The following PTPN23 variants were observed in gnomAD, a reference collection of about 807,000 sequenced individuals.
PTPN23 encodes the protein protein tyrosine phosphatase non-receptor type 23.
In PTPN23, 72 loss-of-function variants were observed where a neutral mutation model predicts 156.3. That is an observed-to-expected ratio of 0.46 (90% confidence interval 0.38 to 0.56). PTPN23 has a LOEUF of 0.56. Among genes scored for constraint, PTPN23 ranks in the 20% least tolerant of loss-of-function variants. The pLI is 0.00. For synonymous variants in PTPN23, 957 were observed against 899.6 expected (o/e 1.06, Z -1.14); for missense variants, 1,974 against 2,171.5 (o/e 0.91, Z 1.81).
In PTPN23 at chr3:47,410,296, T is replaced by G. The variant is rs1230381346; in HGVS notation, c.2498T>G (p.Leu833Arg). 6.2e-7 allele frequency: 1 copy of G among 1,605,188 alleles called. No individual in the cohort carries two copies. Among genetic ancestry groups the G allele is most frequent in the East Asian group, 2.2e-5 (1 of 44,766 alleles). ...CCTGCCTACACACCGGAGCTGGGCC[T>G]TGTGCCCCGATCCTCCCCACAGCAT... The part of the protein sequence containing the change: ...PAPAYTPELG[L>R]VPRSSPQHGV... The change falls in exon 20 of 25, where the codon CTT becomes CGT. Residue 833 changes from leucine to arginine, a missense_variant. Physicochemically the swap from Leu to Arg is moderately radical, Grantham distance 102 (BLOSUM62 -2). This residue lies in a region of PTPN23 where 731 missense variants were observed against 669.1 expected (regional missense o/e 1.09). Coordinates refer to ENST00000265562, the MANE Select transcript of PTPN23 (RefSeq NM_015466.4).
At chr3:47,385,483 C>T (rs1219831070) in intron 1 of PTPN23, among the ~76,000 whole-genome samples, 2 of 152,062 alleles carry the variant, frequency 1.3e-5, no homozygotes, top group Admixed American at 1.3e-4. Flanking sequence ...TTGAGACCAG[C>T]CTGGCCAATA....
intron 1 of PTPN23, among the ~76,000 whole-genome samples, chr3:47,384,240 G>A (rs4858848): frequency 0.38 from 57,415 of 151,494 alleles, 11,252 homozygotes; most frequent in East Asian, 0.52. Flanking sequence ...AGGCCGAGGC[G>A]GGCAGATCAC....
rs1168035150 is a variant in PTPN23, at chr3:47,407,124, C to T, written c.808-6C>T. 1 of 1,613,970 alleles carries T rather than the reference C, an allele frequency of 6.2e-7. No homozygotes were observed. Among genetic ancestry groups the T allele is most frequent in the Non-Finnish European group, 8.5e-7 (1 of 1,179,956 alleles). On this transcript the variant is annotated splice_polypyrimidine_tract_variant and splice_region_variant and intron_variant, in intron 9 of 24. Coordinates refer to ENST00000265562, the MANE Select transcript of PTPN23 (RefSeq NM_015466.4). This position sits in a 1 kb window ranked among gnomAD's most constrained non-coding sequence, Gnocchi z 4.0. Reference sequence around the variant, plus strand: ...ACAGAGCAGGCTTTCCTGCCACCCTCCACAGGTTGCATACTTCCAGAGCGC... The same window carrying T: ...ACAGAGCAGGCTTTCCTGCCACCCTTCACAGGTTGCATACTTCCAGAGCGC...
chr3:47,396,127 TC>T lies in PTPN23; in HGVS notation c.85-15del. 6.2e-7 allele frequency: 1 copy of T among 1,607,868 alleles called. No homozygotes were observed. Among genetic ancestry groups the T allele is most frequent in the Non-Finnish European group, 8.5e-7 (1 of 1,176,088 alleles). ...GGTCTTCTCTGCCACTGGCTTATGT[TC>T]TTCTCTCTCTGTAGTTTGTCCTGAA... On this transcript the variant is annotated splice_polypyrimidine_tract_variant and intron_variant, in intron 1 of 24. Coordinates refer to ENST00000265562, the MANE Select transcript of PTPN23 (RefSeq NM_015466.4).
In PTPN23 at chr3:47,404,994, C is replaced by T. The variant is rs142843956; in HGVS notation, c.288-11C>T. 6.2e-7 allele frequency: 1 copy of T among 1,614,138 alleles called. No homozygotes were observed. The highest frequency in any genetic ancestry group is 2.2e-5 in the East Asian group (1 of 44,874). ...CCTGCCCTCGAGATAACTGGGGTGC[C>T]ATGTCTGCAGGACAGAGATCTTCTC... On this transcript the variant is annotated splice_polypyrimidine_tract_variant and intron_variant, in intron 3 of 24. Transcript: ENST00000265562.
In PTPN23 at chr3:47,412,104, G is replaced by A. The variant is rs774365898; in HGVS notation, c.4084G>A (p.Asp1362Asn). 4 of 1,612,898 alleles carry A rather than the reference G, an allele frequency of 2.5e-6. No homozygotes were observed. The highest frequency in any genetic ancestry group is 2.7e-5 in the African/African-American group (2 of 74,932). ...CATCCTGTCCCACAGAGGCCTGCCCGACAGCCCCAGCAACTTGCTGCGCTT... is the reference window on the plus strand; with the variant it reads ...CATCCTGTCCCACAGAGGCCTGCCCAACAGCCCCAGCAACTTGCTGCGCTT... ...FPTWPELGLP[D>N]SPSNLLRFIQ... is the part of the protein sequence containing the mutation. Residue 1362 changes from aspartate (D) to asparagine (N), a missense_variant, in exon 22 of 25, where the codon GAC (aspartate) becomes AAC (asparagine). Physicochemically the swap from Asp to Asn is conservative, Grantham distance 23. This residue lies in a region of PTPN23 where 484 missense variants were observed against 516.0 expected (regional missense o/e 0.94). Transcript: ENST00000265562.
At chr3:47,408,663 C>T in intron 15 of PTPN23, 113 bp from the exon 16 acceptor site, 2 of 1,433,818 alleles carry the variant, frequency 1.4e-6, no homozygotes, top group East Asian at 2.3e-5. Context: ...TCAGTGTGCG[C>T]TGGGCCTCAC....
At chr3:47,387,105 G>A (rs562870577) in intron 1 of PTPN23, among the ~76,000 whole-genome samples, 1 of 152,288 alleles carries the variant, frequency 6.6e-6, no homozygotes, top group South Asian at 2.1e-4. Flanking sequence ...GATTAGACAA[G>A]GGGAGGATGA....
Position 47,411,333 on chromosome 3 carries a change from G to C in PTPN23, c.3535G>C (p.Glu1179Gln). ...GCTGCGGCAGTTGCAGCAGGAGCTG[G>C]AGGCCTTTCGGGGTCAGCTGGGGGA... is the stretch of plus-strand genomic sequence containing the variant. ...ERLRQLQQEL[E>Q]AFRGQLGDVG... The change falls in exon 20 of 25, where the codon GAG (glutamate) becomes CAG (glutamine). Residue 1179 changes from glutamate (E) to glutamine (Q), a missense_variant. This residue lies in a region of PTPN23 where 731 missense variants were observed against 669.1 expected (regional missense o/e 1.09). Transcript: ENST00000265562. The surrounding 1 kb of genome is among the most constrained non-coding windows in gnomAD (Gnocchi z 6.3). 1 of 1,612,898 alleles carries C rather than the reference G, an allele frequency of 6.2e-7. No individual in the cohort carries two copies. The highest frequency in any genetic ancestry group is 8.5e-7 in the Non-Finnish European group (1 of 1,180,002).
Position 47,384,950 on chromosome 3 carries a change from C to T in PTPN23, c.84+3770C>T, listed in dbSNP as rs536993965. Among the ~76,000 whole-genome samples, 61 of 152,148 alleles carry T rather than the reference C, an allele frequency of 4.0e-4. 1 individual carries two copies. In the South Asian group the frequency reaches 5.6e-3, roughly 14 times the overall value. On this transcript the variant is annotated intron_variant, in intron 1 of 24. Coordinates refer to ENST00000265562, the MANE Select transcript of PTPN23 (RefSeq NM_015466.4). ...GCTAATTTTGTATTTTTAGTAGAGA[C>T]GGGGTTTCTCCATGTTAGTCAGGCT...
chr3:47,405,816 A>T lies in PTPN23; in HGVS notation c.414+18A>T. ...CTGAGGAGGTGAGGAGAGGGGCAGTAGTGGAACATGTGGACATACCAGGGA... is the reference window on the plus strand; with the variant it reads ...CTGAGGAGGTGAGGAGAGGGGCAGTTGTGGAACATGTGGACATACCAGGGA... On this transcript the variant is annotated intron_variant, in intron 5 of 24. Transcript: ENST00000265562. The surrounding 1 kb of genome is among the most constrained non-coding windows in gnomAD (Gnocchi z 4.7). 2.5e-6 allele frequency: 4 copies of T among 1,589,952 alleles called. No homozygotes were observed. Among genetic ancestry groups the T allele is most frequent in the Non-Finnish European group, 3.4e-6 (4 of 1,167,406 alleles).
At position 47,411,798 on chromosome 3, in the gene PTPN23, T is replaced by C; in HGVS notation, c.3904T>C (p.Tyr1302His). Reference protein sequence around the residue: ...AEMEKQKVARYFPTERGQPMV... With the variant: ...AEMEKQKVARHFPTERGQPMV... The stretch of plus-strand genomic sequence containing the variant: ...TGTCCCTCAGCAAAAAGTGGCACGC[T>C]ACTTCCCCACCGAGAGGGGCCAGCC... Residue 1302 changes from tyrosine to histidine, a missense_variant, in exon 21 of 25, where the codon TAC becomes CAC. By Grantham distance (83) the Tyr-to-His change is moderately conservative. Around this residue, in one of 4 missense-constraint regions of PTPN23, gnomAD observed 484 missense variants for 516.0 expected, o/e 0.94. Transcript: ENST00000265562. The surrounding 1 kb of genome is among the most constrained non-coding windows in gnomAD (Gnocchi z 6.3). 1 of 1,601,056 alleles carries C rather than the reference T, an allele frequency of 6.2e-7. No individual in the cohort carries two copies. Among genetic ancestry groups the C allele is most frequent in the Non-Finnish European group, 8.5e-7 (1 of 1,173,174 alleles).
In PTPN23 at chr3:47,410,504, C is replaced by T. The variant is rs1246020400; in HGVS notation, c.2706C>T (p.Thr902=). The T allele has an allele frequency of 6.2e-7, 1 of 1,606,700 alleles. No homozygotes were observed. Among genetic ancestry groups the T allele is most frequent in the Non-Finnish European group, 8.5e-7 (1 of 1,176,632 alleles). Residue 902 remains threonine (T), a synonymous_variant, in exon 20 of 25, where the codon ACC becomes ACT. Coordinates refer to ENST00000265562, the MANE Select transcript of PTPN23 (RefSeq NM_015466.4). ...ACACAGCCCCACGGCCAAACCCCAC[C>T]CCTGCTCCTCCCCCGCCCTGCTTCC... ...PSHTAPRPNP[T]PAPPPPCFPV... is the part of the protein sequence containing the mutation.
intron 1 of PTPN23, among the ~76,000 whole-genome samples, chr3:47,389,383 G>A (rs1023746384): frequency 1.3e-5 from 2 of 152,182 alleles, no homozygotes; most frequent in Non-Finnish European, 2.9e-5. Context: ...TGCCGAGGTG[G>A]GAGGATAGCT....
rs781175474 is a variant in PTPN23, at chr3:47,393,906, A to AT, written c.85-2220dup. 2.0e-3 allele frequency among the ~76,000 whole-genome samples: 284 copies of AT among 139,046 alleles called. 2 individuals carry two copies. The highest frequency in any genetic ancestry group is 1.0e-2 in the South Asian group (43 of 4,308). 91.2% of individuals were successfully genotyped at this position (139,046 alleles called of 152,430 possible). A position where few individuals can be genotyped will look rare whatever the true frequency, so the allele number is the denominator to read the frequency against. ...AGGCGTGGGCTACCATACCCAGCTA[A>AT]TTTTTTTTTTTTTTTTTAATTTGTA... is the stretch of plus-strand genomic sequence containing the variant. On this transcript the variant is annotated intron_variant, in intron 1 of 24. Coordinates refer to ENST00000265562, the MANE Select transcript of PTPN23 (RefSeq NM_015466.4).
intron 1 of PTPN23, among the ~76,000 whole-genome samples, chr3:47,394,042 C>T (rs1229084035): frequency 2.0e-5 from 3 of 151,986 alleles, no homozygotes; most frequent in Non-Finnish European, 2.9e-5. Flanking sequence ...CCATATCCAA[C>T]CTGTTTAATC....
At chr3:47,391,684 G>A (rs547564033) in intron 1 of PTPN23, among the ~76,000 whole-genome samples, 1 of 152,142 alleles carries the variant, frequency 6.6e-6, no homozygotes, top group Non-Finnish European at 1.5e-5. Context: ...ATCACGGGAA[G>A]CCTTGTTTCT....
In PTPN23 at chr3:47,404,425, T is replaced by TTA. The variant is rs55819817; in HGVS notation, c.160-227_160-226insTA. 1.4e-3 allele frequency among the ~76,000 whole-genome samples: 210 copies of TTA among 149,528 alleles called. 2 individuals carry two copies. The highest frequency in any genetic ancestry group is 0.01 in the South Asian group (49 of 4,690). On this transcript the variant is annotated intron_variant, in intron 2 of 24. Coordinates refer to ENST00000265562, the MANE Select transcript of PTPN23 (RefSeq NM_015466.4). ...TGAGACTCTTTTTTTTTTTTTTTTT[T>TTA]AAAAAAGGAAAAACTATGTGGGATA...
Position 47,412,557 on chromosome 3 carries a change from A to C in PTPN23, c.4361A>C (p.Glu1454Ala). ...TATGAGGCAGTGGTGAGACACGTGG[A>C]GCAGGTCCTGCAGCGCCATGGTGTG... ...FCYEAVVRHV[E>A]QVLQRHGVPP... The change falls in exon 24 of 25, where the codon GAG becomes GCG. Residue 1454 changes from glutamate (E) to alanine (A), a missense_variant. By Grantham distance (107) the Glu-to-Ala change is moderately radical. This residue lies in a region of PTPN23 where 484 missense variants were observed against 516.0 expected (regional missense o/e 0.94). Transcript: ENST00000265562. 1 of 1,613,608 alleles carries C rather than the reference A, an allele frequency of 6.2e-7. No homozygotes were observed. Among genetic ancestry groups the C allele is most frequent in the East Asian group, 2.2e-5 (1 of 44,882 alleles).
Sources: gnomAD v4.1 joint callset for allele counts (sites outside exome capture counted in the v4.1 genomes callset) on GRCh38, gnomAD v4.1.1 for gene constraint, gnomAD v4.1.1 regional missense constraint, Gnocchi (gnomAD v3.1) non-coding constraint, MANE v1.5 for transcripts, NCBI Gene and HGNC (gene_info 2026-07-23, HGNC 2026-07-21) for gene names.